ROR2: variants seen among roughly 807,000 people sequenced by gnomAD.
The protein encoded by ROR2 is ROR family WNT receptor 2.
A neutral mutation model predicts 74.9 loss-of-function variants in ROR2; 33 were observed. The observed-to-expected ratio is 0.44, with a 90% CI of 0.33 to 0.59. The LOEUF (loss-of-function observed/expected upper bound fraction) is 0.59. Ranked by LOEUF, ROR2 falls within the 20% of genes least tolerant of loss-of-function variation. The pLI, the probability that ROR2 is intolerant of heterozygous loss-of-function variation, is 0.02. For synonymous variants in ROR2, 586 were observed against 558.7 expected (o/e 1.05, Z -0.69); for missense variants, 1,216 against 1,313.8 (o/e 0.93, Z 1.15).
intron 1 of ROR2, among the ~76,000 whole-genome samples, chr9:91,944,868 A>G: frequency 6.6e-6 from 1 of 152,110 alleles, no homozygotes; most frequent in Admixed American, 6.5e-5. Context: ...CCTGGGCAAC[A>G]CAAGTGGACC....
intron 1 of ROR2, among the ~76,000 whole-genome samples, chr9:91,906,843 A>T (rs12685595): frequency 1.3e-5 from 2 of 151,982 alleles, no homozygotes; most frequent in Admixed American, 6.5e-5. Flanking sequence ...TAGAGCGCCT[A>T]GAACTCAGTG....
chr9:91,826,128 G>A (rs1030027152), intron 1 of ROR2, among the ~76,000 whole-genome samples: 1 of 152,150 alleles, frequency 6.6e-6, no homozygotes, highest in African/African-American at 2.4e-5. Context: ...ACCTTGGCCA[G>A]GGCTACCCAG....
At chr9:91,825,414 C>T (rs190982799) in intron 1 of ROR2, among the ~76,000 whole-genome samples, 1 of 152,272 alleles carries the variant, frequency 6.6e-6, no homozygotes, top group East Asian at 1.9e-4. Flanking sequence ...CCTCTAATTC[C>T]CCTGTGGTGA....
intron 1 of ROR2, among the ~76,000 whole-genome samples, chr9:91,878,181 T>C (rs185151723): frequency 6.6e-6 from 1 of 152,332 alleles, no homozygotes; most frequent in East Asian, 1.9e-4. Flanking sequence ...ATTAAATTCA[T>C]TTAATCTGCA....
chr9:91,901,919 G>GT (rs1179627699), intron 1 of ROR2, among the ~76,000 whole-genome samples: 1 of 151,964 alleles, frequency 6.6e-6, no homozygotes, highest in East Asian at 1.9e-4. Flanking sequence ...CCAGGTGTAG[G>GT]TGGGGGGGCC....
At chr9:91,922,410 A>G (rs1831293347) in intron 1 of ROR2, among the ~76,000 whole-genome samples, 1 of 152,146 alleles carries the variant, frequency 6.6e-6, no homozygotes, top group Non-Finnish European at 1.5e-5. Context: ...TTAAATATCA[A>G]CAGTTTGATG....
intron 6 of ROR2, among the ~76,000 whole-genome samples, chr9:91,732,739 G>T (rs567203997): frequency 6.6e-6 from 1 of 152,196 alleles, no homozygotes; most frequent in African/African-American, 2.4e-5. Context: ...CGTGCTGACC[G>T]TCGGGCAAGT....
chr9:91,833,641 G>A (rs989637432), intron 1 of ROR2, among the ~76,000 whole-genome samples: 21 of 152,142 alleles, frequency 1.4e-4, no homozygotes, highest in African/African-American at 5.1e-4. Context: ...GCACCCTGCA[G>A]ACCTGCATGC....
intron 1 of ROR2, among the ~76,000 whole-genome samples, chr9:91,850,919 C>CG (rs1829069547): frequency 3.9e-5 from 6 of 152,094 alleles, no homozygotes; most frequent in African/African-American, 1.4e-4. Context: ...CTATTTTTTT[C>CG]AGGGGGTGAC....
At chr9:91,870,796 T>G (rs762426946) in intron 1 of ROR2, among the ~76,000 whole-genome samples, 1 of 152,238 alleles carries the variant, frequency 6.6e-6, no homozygotes, top group Non-Finnish European at 1.5e-5. Context: ...CAGGACAGCT[T>G]GAGCTAGTGT....
intron 1 of ROR2, among the ~76,000 whole-genome samples, chr9:91,835,594 G>A (rs1455224580): frequency 6.6e-6 from 1 of 152,176 alleles, no homozygotes; most frequent in Admixed American, 6.5e-5. Context: ...TAAGGCTACC[G>A]ACTCATCGCA....
At chr9:91,884,462 CT>C (rs1801056918) in intron 1 of ROR2, among the ~76,000 whole-genome samples, 1 of 136,620 alleles carries the variant, frequency 7.3e-6, no homozygotes, top group Admixed American at 7.7e-5. Context: ...CTCCACTTAC[CT>C]TTGATTACCT....
intron 5 of ROR2, among the ~76,000 whole-genome samples, chr9:91,735,674 G>A (rs1277306767): frequency 7.3e-6 from 1 of 136,190 alleles, no homozygotes; most frequent in Non-Finnish European, 1.5e-5. Context: ...CTCTGGGGCT[G>A]GAGTGCAGTG....
intron 6 of ROR2, among the ~76,000 whole-genome samples, chr9:91,732,681 G>A (rs141199109): frequency 1.1e-3 from 174 of 152,352 alleles, no homozygotes; most frequent in Admixed American, 2.4e-3. Context: ...GTTTCAGGAG[G>A]TTGGGGCAGG....
At chr9:91,776,462 T>C (rs1826423271) in intron 1 of ROR2, among the ~76,000 whole-genome samples, 1 of 152,218 alleles carries the variant, frequency 6.6e-6, no homozygotes, top group Non-Finnish European at 1.5e-5. Flanking sequence ...GTTTCTATTC[T>C]CTAAGTCTCC....
intron 1 of ROR2, among the ~76,000 whole-genome samples, chr9:91,784,054 G>A (rs552201430): frequency 5.3e-4 from 81 of 151,944 alleles, no homozygotes; most frequent in Non-Finnish European, 9.6e-4. Context: ...CAGAAATCCC[G>A]CCACCTGCTC....
At chr9:91,732,589 G>A (rs930248321) in intron 6 of ROR2, among the ~76,000 whole-genome samples, 6 of 152,164 alleles carry the variant, frequency 3.9e-5, no homozygotes, top group Non-Finnish European at 1.5e-5. Flanking sequence ...TGCCCTCCCA[G>A]GCCAGTCCTG....
chr9:91,849,682 C>A (rs373686731), intron 1 of ROR2, among the ~76,000 whole-genome samples: 2 of 152,192 alleles, frequency 1.3e-5, no homozygotes, highest in Non-Finnish European at 2.9e-5. Context: ...GCAAGTATTA[C>A]GTGAATACAC....
At chr9:91,941,736 T>C (rs1038452881) in intron 1 of ROR2, among the ~76,000 whole-genome samples, 1 of 152,100 alleles carries the variant, frequency 6.6e-6, no homozygotes, top group South Asian at 2.1e-4. Flanking sequence ...GTGTACTGTA[T>C]TGTACTGTCT....
Sources: gnomAD v4.1 joint callset for allele counts (sites outside exome capture counted in the v4.1 genomes callset) on GRCh38, gnomAD v4.1.1 for gene constraint, MANE v1.5 for transcripts, NCBI Gene and HGNC (gene_info 2026-07-23, HGNC 2026-07-21) for gene names.